Variants in CSGALNACT1 observed in about 807,000 individuals in gnomAD.
CSGALNACT1 encodes the protein chondroitin sulfate N-acetylgalactosaminyltransferase 1.
CSGALNACT1 carries 52 observed loss-of-function variants against 51.0 expected under a neutral mutation model. That is an observed-to-expected ratio of 1.02 (90% CI 0.82 to 1.29). CSGALNACT1 has a LOEUF of 1.29. Among genes scored for constraint, CSGALNACT1 ranks in the 50% most tolerant of loss-of-function variants. The pLI, the probability that CSGALNACT1 is intolerant of heterozygous loss-of-function variation, is 0.00. For missense variants in CSGALNACT1, 935 were observed against 679.2 expected, an observed-to-expected ratio of 1.38 and a Z score of -4.19; for synonymous variants, 341 against 254.4, an observed-to-expected ratio of 1.34 and a Z score of -3.24.
intron 2 of CSGALNACT1, among the ~76,000 whole-genome samples, chr8:19,593,294 C>T (rs11779969): frequency 6.6e-6 from 1 of 152,194 alleles, no homozygotes; most frequent in African/African-American, 2.4e-5. Flanking sequence ...TGTGCAGGAA[C>T]AGTGAAAAGA....
At chr8:19,623,739 G>A (rs2054113074) in intron 1 of CSGALNACT1, among the ~76,000 whole-genome samples, 1 of 152,226 alleles carries the variant, frequency 6.6e-6, no homozygotes, top group African/African-American at 2.4e-5. Context: ...AAGAATTCAT[G>A]AATCAGAAAC....
At chr8:19,591,449 C>T (rs191765002) in intron 2 of CSGALNACT1, among the ~76,000 whole-genome samples, 87 of 152,328 alleles carry the variant, frequency 5.7e-4, no homozygotes, top group African/African-American at 2.0e-3. Context: ...CAGTGATAGT[C>T]ACTTATAGTC....
At chr8:19,493,917 G>T (rs754356034) in intron 4 of CSGALNACT1, among the ~76,000 whole-genome samples, 1 of 150,584 alleles carries the variant, frequency 6.6e-6, no homozygotes, top group Non-Finnish European at 1.5e-5. Context: ...TCTAGGAGTG[G>T]AACTGCAGGT....
intron 3 of CSGALNACT1, among the ~76,000 whole-genome samples, chr8:19,549,627 A>C (rs2087418427): frequency 2.0e-5 from 3 of 149,904 alleles, no homozygotes; most frequent in African/African-American, 7.4e-5. Flanking sequence ...CCCCATCAGG[A>C]AACTTTCTTC....
At position 19,486,164 on chromosome 8, in the gene CSGALNACT1, A is replaced by G. The variant is rs138497805; in HGVS notation, c.634+19037T>C. On this transcript the variant is annotated intron_variant, in intron 4 of 9. Coordinates refer to ENST00000454498, the Ensembl canonical transcript of CSGALNACT1. ...AAAAAAAACAGCCACAGATGCTTCT[A>G]TGACTTGTGTTTTTCCCAGGTGTGC... Among the ~76,000 whole-genome samples, 346 of 151,922 alleles carry G rather than the reference A, an allele frequency of 2.3e-3. 4 individuals are homozygous for G. The highest frequency in any genetic ancestry group is 7.7e-3 in the African/African-American group (320 of 41,434).
At chr8:19,629,815 TG>T (rs2054964518) in intron 1 of CSGALNACT1, among the ~76,000 whole-genome samples, 1 of 152,244 alleles carries the variant, frequency 6.6e-6, no homozygotes, top group African/African-American at 2.4e-5. Context: ...ATGCTTCTAA[TG>T]TATCATTCTC....
At chr8:19,430,358 G>A (rs535302356) in intron 6 of CSGALNACT1, among the ~76,000 whole-genome samples, 1 of 152,090 alleles carries the variant, frequency 6.6e-6, no homozygotes, top group Non-Finnish European at 1.5e-5. Flanking sequence ...GATCCATTTT[G>A]ACTTCAAGTT....
rs887134178 is a variant in CSGALNACT1 at position 19,757,271 on chromosome 8, C to T, written c.-297+579G>A. 4.7e-5 allele frequency: 7 copies of T among 150,196 alleles called. No individual in the cohort carries two copies. The highest frequency in any genetic ancestry group is 1.9e-4 in the East Asian group (1 of 5,154). 9.3% of individuals were successfully genotyped at this position (150,196 alleles called of 1,614,324 possible). ...CCCTCCTGCGCGGCCGCCGCGGACT[C>T]GGCTCCACCTCCCGCTCCGGCAGCC... On this transcript the variant is annotated intron_variant, in intron 1 of 1. Transcript: ENST00000517494. The surrounding 1 kb of genome is among the most constrained non-coding windows in gnomAD (Gnocchi z 4.0).
chr8:19,676,468 T>TA (rs1480675940), intron 1 of CSGALNACT1, among the ~76,000 whole-genome samples: 1 of 152,024 alleles, frequency 6.6e-6, no homozygotes, highest in East Asian at 1.9e-4. Context: ...AGAATGGAGG[T>TA]AACAGTCAAG....
chr8:19,644,151 T>C (rs1043235248), intron 1 of CSGALNACT1, among the ~76,000 whole-genome samples: 1 of 152,168 alleles, frequency 6.6e-6, no homozygotes, highest in Non-Finnish European at 1.5e-5. Flanking sequence ...TGTTAATGTG[T>C]TGGAGTCTCA....
intron 1 of CSGALNACT1, among the ~76,000 whole-genome samples, chr8:19,671,260 G>A (rs1001333486): frequency 9.9e-5 from 15 of 152,124 alleles, no homozygotes; most frequent in Admixed American, 7.9e-4. Flanking sequence ...GATGGCCCTC[G>A]ACAATATTCT....
At chr8:19,659,530 A>C (rs1419419836) in intron 1 of CSGALNACT1, among the ~76,000 whole-genome samples, 1 of 152,194 alleles carries the variant, frequency 6.6e-6, no homozygotes, top group Non-Finnish European at 1.5e-5. Context: ...TGAATCCCCC[A>C]GAGTTTCTGT....
intron 4 of CSGALNACT1, among the ~76,000 whole-genome samples, chr8:19,480,901 A>G (rs761724795): frequency 3.3e-5 from 5 of 152,122 alleles, no homozygotes; most frequent in Non-Finnish European, 5.9e-5. Flanking sequence ...CCCGGCATCA[A>G]CACCAGGCAA....
intron 3 of CSGALNACT1, among the ~76,000 whole-genome samples, chr8:19,559,964 C>T (rs566376261): frequency 6.6e-6 from 1 of 152,300 alleles, no homozygotes; most frequent in African/African-American, 2.4e-5. Flanking sequence ...AAGTACCAGG[C>T]TGTTCTCTCA....
chr8:19,408,163 G>C (rs1339361852), intron 9 of CSGALNACT1, among the ~76,000 whole-genome samples: 1 of 152,162 alleles, frequency 6.6e-6, no homozygotes, highest in African/African-American at 2.4e-5. Flanking sequence ...TTGCTGCAAA[G>C]CTGCCTGGAT....
chr8:19,690,519 G>C lies in CSGALNACT1; in HGVS notation c.-297+67331C>G, dbSNP rs151179034. Among the ~76,000 whole-genome samples, 419 of 152,236 alleles carry C rather than the reference G, an allele frequency of 2.8e-3. 1 individual carries two copies. The highest frequency in any genetic ancestry group is 3.7e-3 in the Non-Finnish European group (252 of 68,010). ...TCTCCTAACTCAGAGTTTGACTACA[G>C]CTTACCAAAAATGACAAAATAGAAA... On this transcript the variant is annotated intron_variant, in intron 1 of 1. Coordinates refer to the CSGALNACT1 transcript ENST00000517494.
chr8:19,716,586 T>G (rs886237867), intron 1 of CSGALNACT1, among the ~76,000 whole-genome samples: 2 of 111,268 alleles, frequency 1.8e-5, no homozygotes, highest in Non-Finnish European at 3.3e-5. Context: ...AAGGCCAGCC[T>G]GGCCAACATG....
At chr8:19,511,167 G>C (rs932269331) in intron 3 of CSGALNACT1, among the ~76,000 whole-genome samples, 1 of 152,244 alleles carries the variant, frequency 6.6e-6, no homozygotes, top group Non-Finnish European at 1.5e-5. Context: ...ACAATGACAG[G>C]CCTTGTAAGT....
At chr8:19,416,802 T>C (rs963090999) in intron 8 of CSGALNACT1, among the ~76,000 whole-genome samples, 1 of 152,122 alleles carries the variant, frequency 6.6e-6, no homozygotes, top group Non-Finnish European at 1.5e-5. Context: ...AATGATGAAA[T>C]TGCCTGACGA....
Sources: allele counts gnomAD v4.1 joint callset (sites outside exome capture counted in the v4.1 genomes callset), GRCh38; gene constraint gnomAD v4.1.1; non-coding constraint Gnocchi (gnomAD v3.1); transcripts MANE v1.5; gene names NCBI Gene and HGNC (gene_info 2026-07-23, HGNC 2026-07-21).